The following RBM46 variants were observed in gnomAD, a reference collection of about 807,000 sequenced individuals.
RBM46 encodes the protein RNA binding motif protein 46, also known as probable RNA-binding protein 46.
A neutral mutation model predicts 43.3 loss-of-function variants in RBM46; 12 were observed. The ratio of observed to expected loss-of-function variants is 0.28; its 90% CI spans 0.18 to 0.45. The LOEUF (loss-of-function observed/expected upper bound fraction) is 0.45. RBM46 is among the 20% of genes least tolerant of loss of function. The pLI, the probability that RBM46 is intolerant of heterozygous loss-of-function variation, is 1.00. For missense variants in RBM46, 412 were observed against 639.1 expected (o/e 0.64, Z 3.83); for synonymous variants, 205 against 207.6 (o/e 0.99, Z 0.11).
chr4:154,798,488 A>G (rs1215583235), intron 3 of RBM46, among the ~76,000 whole-genome samples: 6 of 152,212 alleles, frequency 3.9e-5, no homozygotes, highest in Admixed American at 2.6e-4. Context: ...TTTACTGGAT[A>G]TATACACTTT....
Position 154,798,284 on chromosome 4 carries a change from C to T in RBM46, c.619+6C>T. 1 of 1,540,418 alleles carries T rather than the reference C, an allele frequency of 6.5e-7. No individual in the cohort carries two copies. The highest frequency in any genetic ancestry group is 8.8e-7 in the Non-Finnish European group (1 of 1,142,410). ...AAGGAGGAAACTAATTCCAGGTAAA[C>T]TGAAAGGTTGTTTTTCAATATTAAC... On this transcript the variant is annotated splice_donor_region_variant and intron_variant, in intron 3 of 4. Coordinates refer to ENST00000281722, the MANE Select transcript of RBM46 (RefSeq NM_144979.5).
rs1042528421 is a variant in RBM46 at position 154,798,795 on chromosome 4, A to G, written c.633A>G (p.Leu211=). 2.7e-6 allele frequency: 4 copies of G among 1,499,638 alleles called. No individual in the cohort carries two copies. The highest frequency in any genetic ancestry group is 2.8e-5 in the African/African-American group (2 of 70,176). 92.9% of individuals were successfully genotyped at this position (1,499,638 alleles called of 1,614,324 possible). Reference sequence around the variant, plus strand: ...TTTTTTTTACAGGAACATTCCAACTATGGGGCCACACCATTCAGGTAGATT... The same window carrying G: ...TTTTTTTTACAGGAACATTCCAACTGTGGGGCCACACCATTCAGGTAGATT... ...RRKLIPGTFQ[L]WGHTIQVDWA... Residue 211 remains leucine (L), a synonymous_variant, in exon 4 of 5, where the codon CTA becomes CTG. Coordinates refer to ENST00000281722, the MANE Select transcript of RBM46 (RefSeq NM_144979.5).
intron 4 of RBM46, among the ~76,000 whole-genome samples, chr4:154,825,176 G>C (rs1156610380): frequency 3.3e-5 from 5 of 152,054 alleles, no homozygotes; most frequent in African/African-American, 1.2e-4. Context: ...AAGAGCTAAG[G>C]ATGTTAATTG....
chr4:154,790,973 C>T (rs1363860324), intron 1 of RBM46, among the ~76,000 whole-genome samples: 1 of 152,170 alleles, frequency 6.6e-6, no homozygotes, highest in Non-Finnish European at 1.5e-5. Flanking sequence ...TTGTAGAACA[C>T]CATTGTGCTG....
intron 4 of RBM46, among the ~76,000 whole-genome samples, chr4:154,802,075 C>T (rs748886571): frequency 1.1e-4 from 17 of 152,222 alleles, no homozygotes; most frequent in Non-Finnish European, 1.6e-4. Context: ...AAGCAAAATT[C>T]ACATATAAAC....
At chr4:154,800,215 C>CAA (rs1734564419) in intron 4 of RBM46, among the ~76,000 whole-genome samples, 1 of 151,992 alleles carries the variant, frequency 6.6e-6, no homozygotes, top group Admixed American at 6.6e-5. Context: ...AAGATATGTT[C>CAA]ATTAAACCAA....
chr4:154,817,654 T>C (rs1324354779), intron 4 of RBM46, among the ~76,000 whole-genome samples: 4 of 152,118 alleles, frequency 2.6e-5, no homozygotes, highest in African/African-American at 9.7e-5. Context: ...CATTTTGATA[T>C]GTTTTATTTT....
At chr4:154,826,970 A>G (rs1735996774) in intron 4 of RBM46, 2 of 1,290,002 alleles carry the variant, frequency 1.6e-6, no homozygotes, top group Admixed American at 3.8e-5. Context: ...AAACACCATA[A>G]TGTTTCTAAA....
In RBM46 at chr4:154,817,872, T is replaced by A. The variant is rs542523492; in HGVS notation, c.1403-9996T>A. ...AGTGTTTATTTTGACTTTCTTTTCT[T>A]TAGCTGTATTAGTTATTCAGTCTTT... On this transcript the variant is annotated intron_variant, in intron 4 of 4. Transcript: ENST00000281722. Among the ~76,000 whole-genome samples, 6 of 152,192 alleles carry A rather than the reference T, an allele frequency of 3.9e-5. No homozygotes were observed. The South Asian group carries it at 1.0e-3, about 26-fold the overall frequency.
At chr4:154,788,720 G>T (rs865993005) in intron 1 of RBM46, among the ~76,000 whole-genome samples, 1 of 152,148 alleles carries the variant, frequency 6.6e-6, no homozygotes, top group East Asian at 1.9e-4. Flanking sequence ...ATTCTGTGAA[G>T]AAAGTCATTG....
intron 1 of RBM46, among the ~76,000 whole-genome samples, chr4:154,788,679 T>C (rs1243601117): frequency 6.6e-6 from 1 of 152,228 alleles, no homozygotes; most frequent in African/African-American, 2.4e-5. Flanking sequence ...TCTTGTTTGG[T>C]TCCATATGAA....
chr4:154,795,486 A>G (rs1050684059), intron 1 of RBM46, among the ~76,000 whole-genome samples: 3 of 152,032 alleles, frequency 2.0e-5, no homozygotes, highest in African/African-American at 7.2e-5. Flanking sequence ...AAAATCTATT[A>G]ATGTATTTTT....
At chr4:154,820,346 G>A in intron 4 of RBM46, 1 of 1,498,700 alleles carries the variant, frequency 6.7e-7, no homozygotes, top group Non-Finnish European at 8.9e-7. Context: ...ATTATTTTCT[G>A]TCTTCACTGC....
In RBM46 at chr4:154,813,837, C is replaced by G. The variant is rs1440501848; in HGVS notation, c.1403-14031C>G. Among the ~76,000 whole-genome samples, 3 of 152,062 alleles carry G rather than the reference C, an allele frequency of 2.0e-5. No individual in the cohort carries two copies. In the East Asian group the frequency reaches 5.8e-4, roughly 29 times the overall value. ...GGAATACACCGGAATCCTGTGCACT[C>G]AGTTATTTTCTGTCTTCAAAAGAAG... On this transcript the variant is annotated intron_variant, in intron 4 of 4. Coordinates refer to ENST00000281722, the MANE Select transcript of RBM46 (RefSeq NM_144979.5).
Position 154,820,560 on chromosome 4 carries a change from A to G in RBM46, c.1403-7308A>G, listed in dbSNP as rs545777139. The G allele has an allele frequency of 2.4e-5, 12 of 501,938 alleles. No individual in the cohort carries two copies. In the South Asian group the frequency reaches 4.3e-4, roughly 18 times the overall value. The allele number at this position is 501,938 out of a possible 1,614,324, so 31.1% of individuals were successfully genotyped here. On this transcript the variant is annotated intron_variant, in intron 4 of 4. Coordinates refer to ENST00000281722, the MANE Select transcript of RBM46 (RefSeq NM_144979.5). ...ATTTTTTATAATAGCCTTGTTAATT[A>G]TAGACTCATTAAGCAAATGTTTTAA...
chr4:154,790,378 C>T (rs1444112499), intron 1 of RBM46: 3 of 152,112 alleles, frequency 2.0e-5, no homozygotes, highest in African/African-American at 7.2e-5. Flanking sequence ...GTGCTGAGAA[C>T]AGATCTTAAA....
intron 1 of RBM46, among the ~76,000 whole-genome samples, chr4:154,791,792 G>T (rs1734107734): frequency 6.6e-6 from 1 of 152,206 alleles, no homozygotes; most frequent in African/African-American, 2.4e-5. Flanking sequence ...TATCAGGTGG[G>T]TGGTTGAATT....
chr4:154,798,220 A>G lies in RBM46; in HGVS notation c.561A>G (p.Ala187=), dbSNP rs1298098399. The G allele has an allele frequency of 6.2e-7, 1 of 1,611,166 alleles. No individual in the cohort carries two copies. The highest frequency in any genetic ancestry group is 8.5e-7 in the Non-Finnish European group (1 of 1,179,088). ...ATAAGACCAAAAATCGTGGTTTTGCATTTGTGGAATATGAATCTCACAGAG... is the reference window on the plus strand; with the variant it reads ...ATAAGACCAAAAATCGTGGTTTTGCGTTTGTGGAATATGAATCTCACAGAG... The part of the protein sequence containing the change: ...ATDKTKNRGF[A]FVEYESHRAA... The change falls in exon 3 of 5, where the codon GCA becomes GCG. Residue 187 remains alanine, a synonymous_variant. Coordinates refer to ENST00000281722, the MANE Select transcript of RBM46 (RefSeq NM_144979.5).
At chr4:154,826,733 T>G in intron 4 of RBM46, 3 of 1,250,576 alleles carry the variant, frequency 2.4e-6, no homozygotes, top group Non-Finnish European at 3.3e-6. Flanking sequence ...CTGATTTTCA[T>G]TTTTCCTTTT....
Sources: allele counts gnomAD v4.1 joint callset (sites outside exome capture counted in the v4.1 genomes callset), GRCh38; gene constraint gnomAD v4.1.1; transcripts MANE v1.5; gene names NCBI Gene and HGNC (gene_info 2026-07-23, HGNC 2026-07-21).